The following SLC24A4 variants were observed in gnomAD, a reference collection of about 807,000 sequenced individuals.
The protein encoded by SLC24A4 is sodium/potassium/calcium exchanger 4.
In SLC24A4, 53 loss-of-function variants were observed where a neutral mutation model predicts 79.0. The observed-to-expected ratio is 0.67, with a 90% CI of 0.54 to 0.84. The LOEUF is 0.84. Among genes scored for constraint, SLC24A4 ranks in the 40% least tolerant of loss-of-function variants. SLC24A4 has a pLI of 0.00. For missense variants in SLC24A4, 731 were observed against 822.0 expected (o/e 0.89, Z 1.35); for synonymous variants, 323 against 323.8 (o/e 1.00, Z 0.03).
At chr14:92,408,888 A>G (rs1890551612) in intron 2 of SLC24A4, among the ~76,000 whole-genome samples, 1 of 152,192 alleles carries the variant, frequency 6.6e-6, no homozygotes, top group African/African-American at 2.4e-5. Context: ...CTTTCATTTC[A>G]GTATCTGTGA....
At chr14:92,397,285 CCTT>C (rs1889829648) in intron 2 of SLC24A4, among the ~76,000 whole-genome samples, 1 of 152,192 alleles carries the variant, frequency 6.6e-6, no homozygotes, top group South Asian at 2.1e-4. Flanking sequence ...GTCCCCAGCT[CCTT>C]CTGCTCCGGC....
chr14:92,408,840 T>C (rs775752259), intron 2 of SLC24A4, among the ~76,000 whole-genome samples: 1 of 152,174 alleles, frequency 6.6e-6, no homozygotes, highest in Non-Finnish European at 1.5e-5. Flanking sequence ...TAGGGCAGAT[T>C]TATTTATGAA....
intron 2 of SLC24A4, among the ~76,000 whole-genome samples, chr14:92,429,573 CA>C (rs1331240031): frequency 1.3e-5 from 2 of 152,222 alleles, no homozygotes; most frequent in African/African-American, 4.8e-5. Flanking sequence ...AATTGACCTA[CA>C]AAATCCAATG....
intron 2 of SLC24A4, among the ~76,000 whole-genome samples, chr14:92,410,045 G>T (rs552424677): frequency 1.3e-5 from 2 of 152,166 alleles, no homozygotes; most frequent in African/African-American, 2.4e-5. Flanking sequence ...TTTGAGGGGG[G>T]AAGGTGGGAG....
rs1412760771 is a variant in SLC24A4 at position 92,491,777 on chromosome 14, A to G, written c.1650A>G (p.Thr550=). 3 of 1,605,746 alleles carry G rather than the reference A, an allele frequency of 1.9e-6. No individual in the cohort carries two copies. Among genetic ancestry groups the G allele is most frequent in the Non-Finnish European group, 2.6e-6 (3 of 1,172,460 alleles). Residue 550 remains threonine, a splice_region_variant and synonymous_variant, in exon 15 of 17, where the codon ACA becomes ACG. Coordinates refer to ENST00000532405, the MANE Select transcript of SLC24A4 (RefSeq NM_153646.4). Reference sequence around the variant, plus strand: ...CCATGGTTGTTAATTATGGATCAACAGTAAGTTCCTCTCACCTTTAACAGA... The same window carrying G: ...CCATGGTTGTTAATTATGGATCAACGGTAAGTTCCTCTCACCTTTAACAGA... ...LQTMVVNYGS[T]VKINSRGLVY...
rs1371125765 is a variant in SLC24A4, at chr14:92,498,424, G to C, written c.*4796G>C. ...CACAGCCTTTACCAGCCCGGCTTGT[G>C]TGGGGGGCCCCTTCGCCTTGCTGCA... On this transcript the variant is annotated 3_prime_UTR_variant, in exon 17 of 17. Coordinates refer to ENST00000532405, the MANE Select transcript of SLC24A4 (RefSeq NM_153646.4). The C allele has an allele frequency of 1.3e-5, 2 of 152,256 alleles. No individual in the cohort carries two copies. Among genetic ancestry groups the C allele is most frequent in the Non-Finnish European group, 2.9e-5 (2 of 68,108 alleles). The allele number at this position is 152,256 out of a possible 1,614,324, so 9.4% of individuals were successfully genotyped here.
intron 2 of SLC24A4, among the ~76,000 whole-genome samples, chr14:92,350,057 CAGA>C (rs1399279786): frequency 1.3e-5 from 2 of 152,188 alleles, no homozygotes; most frequent in South Asian, 4.1e-4. Context: ...TGCCAGAGCC[CAGA>C]AGAAGGCACT....
chr14:92,482,545 G>A, intron 12 of SLC24A4, 135 bp from the exon 13 acceptor site: 1 of 737,194 alleles, frequency 1.4e-6, no homozygotes, highest in Non-Finnish European at 2.2e-6. Flanking sequence ...GATTCTGCAA[G>A]GTCAGTTGCC....
At chr14:92,337,648 A>G (rs910033500) in intron 2 of SLC24A4, among the ~76,000 whole-genome samples, 7 of 152,122 alleles carry the variant, frequency 4.6e-5, no homozygotes, top group South Asian at 4.1e-4. Context: ...TTTTAACCCA[A>G]GGAAAGGGGC....
chr14:92,448,813 C>T (rs1485304542), intron 9 of SLC24A4, among the ~76,000 whole-genome samples: 2 of 152,194 alleles, frequency 1.3e-5, no homozygotes, highest in African/African-American at 4.8e-5. Context: ...CAGTCATTTT[C>T]TTAGGTGAAA....
intron 14 of SLC24A4, among the ~76,000 whole-genome samples, chr14:92,488,277 G>T (rs1410082860): frequency 6.6e-6 from 1 of 151,898 alleles, no homozygotes; most frequent in Non-Finnish European, 1.5e-5. Flanking sequence ...TCACCATGTT[G>T]GCCAGGCTAG....
chr14:92,376,638 G>T (rs1347125608), intron 2 of SLC24A4, among the ~76,000 whole-genome samples: 2 of 152,354 alleles, frequency 1.3e-5, no homozygotes, highest in South Asian at 4.1e-4. Flanking sequence ...GAGCCCAGCT[G>T]GGGCAGACAG....
chr14:92,453,779 G>T (rs1893290025), intron 10 of SLC24A4, 121 bp from the exon 11 acceptor site: 1 of 1,106,894 alleles, frequency 9.0e-7, no homozygotes, highest in Non-Finnish European at 1.2e-6. Context: ...CTTCCCGGTG[G>T]CTGCCAGCTG....
intron 2 of SLC24A4, among the ~76,000 whole-genome samples, chr14:92,355,611 TTGTC>T (rs112861557): frequency 0.025 from 3,759 of 152,274 alleles, 168 homozygotes; most frequent in African/African-American, 0.086. Flanking sequence ...AAGCCAATAT[TTGTC>T]TGGGGACGAG....
At chr14:92,478,662 T>C (rs1477956570) in intron 12 of SLC24A4, among the ~76,000 whole-genome samples, 31 of 151,984 alleles carry the variant, frequency 2.0e-4, no homozygotes, top group Non-Finnish European at 1.6e-4. Flanking sequence ...TGTTTTTTTT[T>C]CCAAGACTGT....
chr14:92,350,633 C>A (rs1886812028), intron 2 of SLC24A4, among the ~76,000 whole-genome samples: 1 of 152,156 alleles, frequency 6.6e-6, no homozygotes, highest in African/African-American at 2.4e-5. Context: ...CATGAGAGTC[C>A]ATTTCTAACA....
chr14:92,400,561 T>C (rs10133804), intron 2 of SLC24A4, among the ~76,000 whole-genome samples: 5,845 of 152,190 alleles, frequency 0.038, 368 homozygotes, highest in African/African-American at 0.13. Context: ...GTCGCCTTCT[T>C]TGGGGCATGC....
chr14:92,361,461 C>T (rs545527084), intron 2 of SLC24A4, among the ~76,000 whole-genome samples: 25 of 151,036 alleles, frequency 1.7e-4, no homozygotes, highest in Non-Finnish European at 3.4e-4. Flanking sequence ...CCACCTAAGT[C>T]ACCTTGTGAA....
At chr14:92,359,990 C>T (rs1020099273) in intron 2 of SLC24A4, among the ~76,000 whole-genome samples, 5 of 152,208 alleles carry the variant, frequency 3.3e-5, no homozygotes, top group Admixed American at 1.3e-4. Flanking sequence ...GCGATCTTGG[C>T]TCACTGCAAC....
Sources: gnomAD v4.1 joint callset for allele counts (sites outside exome capture counted in the v4.1 genomes callset) on GRCh38, gnomAD v4.1.1 for gene constraint, MANE v1.5 for transcripts, NCBI Gene and HGNC (gene_info 2026-07-23, HGNC 2026-07-21) for gene names.